The following AGBL1 variants were observed in gnomAD, a reference collection of about 807,000 sequenced individuals.
The protein encoded by AGBL1 is AGBL carboxypeptidase 1.
AGBL1 carries 130 observed loss-of-function variants against 118.9 expected under a neutral mutation model. The observed-to-expected ratio is 1.09, with a 90% confidence interval of 0.95 to 1.26. AGBL1 has a LOEUF of 1.26. Ranked by LOEUF, AGBL1 falls within the 50% of genes most tolerant of loss-of-function variation. The pLI is 0.00. For synonymous variants in AGBL1, 555 were observed against 478.9 expected, an observed-to-expected ratio of 1.16 and a Z score of -2.08; for missense variants, 1,584 against 1,298.1, an observed-to-expected ratio of 1.22 and a Z score of -3.38.
intron 24 of AGBL1, among the ~76,000 whole-genome samples, chr15:87,000,041 G>A (rs2081420570): frequency 1.2e-5 from 1 of 85,454 alleles, no homozygotes; most frequent in Non-Finnish European, 2.8e-5. Flanking sequence ...AGAAGTGTCT[G>A]TTCATGTCCT....
At chr15:86,444,094 C>T (rs979471794) in intron 18 of AGBL1, among the ~76,000 whole-genome samples, 18 of 152,214 alleles carry the variant, frequency 1.2e-4, no homozygotes, top group African/African-American at 4.3e-4. Flanking sequence ...ATTCCCCTTT[C>T]TCCACAACCT....
At chr15:86,432,984 G>T (rs963895233) in intron 18 of AGBL1, among the ~76,000 whole-genome samples, 19 of 152,184 alleles carry the variant, frequency 1.2e-4, no homozygotes, top group Admixed American at 9.2e-4. Context: ...CTGAGGTCCA[G>T]TCCTGGTGAT....
intron 16 of AGBL1, among the ~76,000 whole-genome samples, chr15:86,295,019 A>C (rs2079610577): frequency 6.6e-6 from 1 of 152,174 alleles, no homozygotes; most frequent in Non-Finnish European, 1.5e-5. Context: ...GTGCAACTTG[A>C]AAACAGATCT....
chr15:86,870,072 C>G (rs4887514), intron 22 of AGBL1, among the ~76,000 whole-genome samples: 128,059 of 152,120 alleles, frequency 0.84, 54,171 homozygotes, highest in East Asian at 0.93. Context: ...CAGGGCCTTT[C>G]AGACCCCCTA....
At chr15:86,153,468 T>C (rs1462022330) in intron 3 of AGBL1, among the ~76,000 whole-genome samples, 1 of 151,584 alleles carries the variant, frequency 6.6e-6, no homozygotes, top group African/African-American at 2.4e-5. Context: ...CAGAGATCAG[T>C]TGGATACAGG....
chr15:86,193,214 G>C (rs952891841), intron 5 of AGBL1, among the ~76,000 whole-genome samples: 3 of 152,038 alleles, frequency 2.0e-5, no homozygotes, highest in Non-Finnish European at 4.4e-5. Context: ...GGGTGAATTT[G>C]CCCCTTATTT....
intron 17 of AGBL1, among the ~76,000 whole-genome samples, chr15:86,347,776 A>G (rs570480534): frequency 1.3e-5 from 2 of 152,336 alleles, no homozygotes; most frequent in East Asian, 1.9e-4. Context: ...TTTGAGCTTC[A>G]TATCCCCAAG....
chr15:86,824,443 A>C (rs943854739), intron 22 of AGBL1, among the ~76,000 whole-genome samples: 4 of 152,312 alleles, frequency 2.6e-5, no homozygotes, highest in African/African-American at 9.6e-5. Context: ...TGAAAATCTA[A>C]GTAAGCAGAG....
intron 22 of AGBL1, among the ~76,000 whole-genome samples, chr15:86,905,422 T>C (rs563333490): frequency 3.7e-4 from 57 of 152,310 alleles, no homozygotes; most frequent in Non-Finnish European, 5.1e-4. Context: ...GAGAAATTAT[T>C]AGGAGTGCCA....
At chr15:86,271,835 C>A in intron 15 of AGBL1, 129 bp downstream of exon 15, 1 of 851,214 alleles carries the variant, frequency 1.2e-6, no homozygotes, top group Non-Finnish European at 1.9e-6. Context: ...TCACTCTGTC[C>A]TAATGGCCAG....
chr15:86,739,571 A>G (rs1019542583), intron 22 of AGBL1, among the ~76,000 whole-genome samples: 1 of 150,718 alleles, frequency 6.6e-6, no homozygotes, highest in Non-Finnish European at 1.5e-5. Flanking sequence ...GAAAACCATG[A>G]TTTGCAATCT....
chr15:86,540,203 C>T lies in AGBL1; in HGVS notation c.2686-5799C>T, dbSNP rs138984984. On this transcript the variant is annotated intron_variant, in intron 19 of 22. Transcript: ENST00000614907. ...ACTATTGTTGCTATTATTATTGTTA[C>T]GGAGAGCAGTGCTGTGTTATATTAA... Among the ~76,000 whole-genome samples the T allele has an allele frequency of 4.9e-3, 748 of 152,158 alleles. 1 individual carries two copies. The highest frequency in any genetic ancestry group is 7.4e-3 in the African/African-American group (309 of 41,500).
intron 17 of AGBL1, among the ~76,000 whole-genome samples, chr15:86,299,329 G>A (rs957115330): frequency 6.6e-6 from 1 of 152,050 alleles, no homozygotes; most frequent in Non-Finnish European, 1.5e-5. Context: ...AGAAAATGAC[G>A]GTAGCAGGGA....
intron 21 of AGBL1, among the ~76,000 whole-genome samples, chr15:86,632,301 A>G (rs111758866): frequency 0.11 from 15,540 of 146,034 alleles, 1,023 homozygotes; most frequent in East Asian, 0.14. Flanking sequence ...AAGGCTGGCC[A>G]GGTGCAGTGG....
At chr15:87,019,950 A>G (rs946948040) in intron 24 of AGBL1, among the ~76,000 whole-genome samples, 3 of 152,152 alleles carry the variant, frequency 2.0e-5, no homozygotes, top group Non-Finnish European at 4.4e-5. Context: ...CCCCACAGAA[A>G]TATAAACAAC....
intron 23 of AGBL1, among the ~76,000 whole-genome samples, chr15:86,974,933 G>T (rs1057496707): frequency 6.6e-6 from 1 of 151,874 alleles, no homozygotes; most frequent in African/African-American, 2.4e-5. Flanking sequence ...AATGTTGCAG[G>T]GGGATTATTG....
At chr15:86,636,538 C>T (rs1336805765) in intron 21 of AGBL1, among the ~76,000 whole-genome samples, 2 of 148,538 alleles carry the variant, frequency 1.3e-5, no homozygotes, top group African/African-American at 2.5e-5. Context: ...AAAAAAATTC[C>T]TATTAGGAAG....
Position 86,764,028 on chromosome 15 carries a change from C to T in AGBL1, c.3158+89592C>T, listed in dbSNP as rs566477402. On this transcript the variant is annotated intron_variant, in intron 22 of 22. Coordinates refer to ENST00000614907, the MANE Select transcript of AGBL1 (RefSeq NM_001386094.1). ...TCCTGAGATAATTGGGTAGGGAAAG[C>T]GAAGACAGACAGGTTGGGTAGAAGT... Among the ~76,000 whole-genome samples the T allele has an allele frequency of 5.3e-5, 8 of 150,732 alleles. 1 individual carries two copies. Among genetic ancestry groups the T allele is most frequent in the Middle Eastern group, 6.7e-3 (2 of 298 alleles).
chr15:86,581,416 C>T (rs989112399), intron 21 of AGBL1, among the ~76,000 whole-genome samples: 1 of 152,132 alleles, frequency 6.6e-6, no homozygotes, highest in African/African-American at 2.4e-5. Flanking sequence ...TAAGTTTTCT[C>T]ATTCAGATAA....
Sources: allele counts gnomAD v4.1 joint callset (sites outside exome capture counted in the v4.1 genomes callset), GRCh38; gene constraint gnomAD v4.1.1; transcripts MANE v1.5; gene names NCBI Gene and HGNC (gene_info 2026-07-23, HGNC 2026-07-21).